CHCHD6: variants seen among roughly 807,000 people sequenced by gnomAD.
The protein encoded by CHCHD6 is MICOS complex subunit MIC25.
A neutral mutation model predicts 32.3 loss-of-function variants in CHCHD6; 28 were observed. The ratio of observed to expected loss-of-function variants is 0.87; its 90% CI spans 0.64 to 1.19. CHCHD6 has a LOEUF of 1.19. Ranked by LOEUF, CHCHD6 falls within the 50% of genes most tolerant of loss-of-function variation. The pLI is 0.00. For synonymous variants in CHCHD6, 122 were observed against 117.5 expected (o/e 1.04, Z -0.25); for missense variants, 333 against 307.0 (o/e 1.08, Z -0.63).
intron 4 of CHCHD6, among the ~76,000 whole-genome samples, chr3:126,775,972 G>T (rs1378274724): frequency 6.6e-6 from 1 of 152,180 alleles, no homozygotes; most frequent in Non-Finnish European, 1.5e-5. Context: ...AGTGGGATTC[G>T]CTGAGTGCCA....
intron 4 of CHCHD6, among the ~76,000 whole-genome samples, chr3:126,831,729 G>A (rs893904900): frequency 2.6e-5 from 4 of 152,300 alleles, no homozygotes; most frequent in African/African-American, 7.2e-5. Context: ...CTAAATTTCC[G>A]TGCGAAAGGG....
In CHCHD6 at chr3:126,729,478, A is replaced by G. The variant is rs187719172; in HGVS notation, c.197-1083A>G. Reference sequence around the variant, plus strand: ...GTTATTTTTGTAGTTAAAAAATGGAAAATTATATAAAAAGCAAAAATACCA... The same window carrying G: ...GTTATTTTTGTAGTTAAAAAATGGAGAATTATATAAAAAGCAAAAATACCA... On this transcript the variant is annotated intron_variant, in intron 2 of 7. Coordinates refer to ENST00000290913, the MANE Select transcript of CHCHD6 (RefSeq NM_032343.3). Among the ~76,000 whole-genome samples, 589 of 152,316 alleles carry G rather than the reference A, an allele frequency of 3.9e-3. 4 individuals carry two copies. Among genetic ancestry groups the G allele is most frequent in the African/African-American group, 0.013 (545 of 41,560 alleles).
intron 4 of CHCHD6, among the ~76,000 whole-genome samples, chr3:126,846,697 A>G (rs931621044): frequency 1.3e-5 from 2 of 152,226 alleles, no homozygotes; most frequent in Admixed American, 6.5e-5. Flanking sequence ...ACCTTTTTCT[A>G]CTAGGTTCTT....
chr3:126,772,309 G>A (rs914320497), intron 4 of CHCHD6, among the ~76,000 whole-genome samples: 1 of 152,088 alleles, frequency 6.6e-6, no homozygotes, highest in African/African-American at 2.4e-5. Flanking sequence ...CACCATGTTA[G>A]CCAGGATGGT....
At position 126,820,786 on chromosome 3, in the gene CHCHD6, A is replaced by G. The variant is rs576873292; in HGVS notation, c.412-31861A>G. Among the ~76,000 whole-genome samples, 289 of 152,282 alleles carry G rather than the reference A, an allele frequency of 1.9e-3. 1 individual carries two copies. The highest frequency in any genetic ancestry group is 6.5e-3 in the African/African-American group (269 of 41,532). ...TATATCAGTTTACTTTCCCTCCAGT[A>G]ATGTACTCCACATTCCTACCACCAT... On this transcript the variant is annotated intron_variant, in intron 4 of 7. Transcript: ENST00000290913.
At chr3:126,815,643 G>GCCC (rs11341202) in intron 4 of CHCHD6, among the ~76,000 whole-genome samples, 8 of 127,706 alleles carry the variant, frequency 6.3e-5, no homozygotes, top group Admixed American at 4.7e-4. Flanking sequence ...GTGGGTTCTT[G>GCCC]CCCCCCCCCC....
chr3:126,863,499 TACTATCACCACCTCCTCCTCC>T (rs1942052705), intron 5 of CHCHD6, among the ~76,000 whole-genome samples: 14 of 27,212 alleles, frequency 5.1e-4, no homozygotes, highest in Non-Finnish European at 7.5e-4. Flanking sequence ...CCTCCTCCTC[TACTATCACCACCTCCTCCTCC>T]ACCATCACCA....
chr3:126,805,650 C>T (rs890065548), intron 4 of CHCHD6, among the ~76,000 whole-genome samples: 3 of 152,092 alleles, frequency 2.0e-5, no homozygotes, highest in Admixed American at 6.5e-5. Context: ...AGATTCAATG[C>T]CCTCCCCATC....
rs186477369 is a variant in CHCHD6 at position 126,893,005 on chromosome 3, G to A, written c.496-21675G>A. ...TGTTTTTGAGACCGAGTCTTGCTCT[G>A]TCTCCCAGGCTGGAGTGCAGTGGCG... On this transcript the variant is annotated intron_variant, in intron 5 of 7. Transcript: ENST00000290913. 2.6e-5 allele frequency among the ~76,000 whole-genome samples: 4 copies of A among 152,004 alleles called. No homozygotes were observed. The East Asian group carries it at 7.7e-4, about 29-fold the overall frequency.
chr3:126,861,395 GT>G (rs1282596124), intron 5 of CHCHD6, among the ~76,000 whole-genome samples: 8 of 152,076 alleles, frequency 5.3e-5, no homozygotes, highest in African/African-American at 1.2e-4. Context: ...TCTATATAAA[GT>G]TTCTACTTCG....
chr3:126,833,953 C>T (rs987084171), intron 4 of CHCHD6, among the ~76,000 whole-genome samples: 4 of 144,620 alleles, frequency 2.8e-5, no homozygotes, highest in Non-Finnish European at 6.0e-5. Context: ...ACTTGGGAGG[C>T]TGAGGCAGGA....
chr3:126,729,678 G>A (rs1935692888), intron 2 of CHCHD6, among the ~76,000 whole-genome samples: 1 of 152,152 alleles, frequency 6.6e-6, no homozygotes, highest in East Asian at 1.9e-4. Context: ...AGTGCGAGTA[G>A]TCACAGCTGA....
intron 1 of CHCHD6, among the ~76,000 whole-genome samples, chr3:126,726,396 C>T (rs1017619979): frequency 2.0e-5 from 3 of 152,180 alleles, no homozygotes; most frequent in South Asian, 2.1e-4. Context: ...TGAAATGTCA[C>T]TGATCACAGA....
At chr3:126,717,139 A>C (rs1291470657) in intron 1 of CHCHD6, among the ~76,000 whole-genome samples, 1 of 152,042 alleles carries the variant, frequency 6.6e-6, no homozygotes, top group Non-Finnish European at 1.5e-5. Context: ...TGGACTGGGC[A>C]AGTTCTTTAA....
chr3:126,950,850 G>C (rs1019374412), intron 6 of CHCHD6, among the ~76,000 whole-genome samples: 2 of 152,194 alleles, frequency 1.3e-5, no homozygotes, highest in Non-Finnish European at 2.9e-5. Flanking sequence ...GGATGGGGCA[G>C]CTGCATAGAG....
intron 4 of CHCHD6, among the ~76,000 whole-genome samples, chr3:126,823,105 C>T (rs372588542): frequency 4.6e-5 from 7 of 151,744 alleles, no homozygotes; most frequent in African/African-American, 7.3e-5. Flanking sequence ...TTGGTAGAGG[C>T]GGTATCTCCC....
chr3:126,831,268 G>A (rs1343654664), intron 4 of CHCHD6, among the ~76,000 whole-genome samples: 1 of 151,932 alleles, frequency 6.6e-6, no homozygotes, highest in South Asian at 2.1e-4. Context: ...CTCTTGATCC[G>A]CCCACCTCGG....
intron 4 of CHCHD6, among the ~76,000 whole-genome samples, chr3:126,774,701 T>A (rs567444608): frequency 5.9e-5 from 9 of 152,180 alleles, no homozygotes; most frequent in Non-Finnish European, 8.8e-5. Context: ...TTGAGGCATC[T>A]TGTTTTGTGA....
At chr3:126,798,594 G>A (rs1938910452) in intron 4 of CHCHD6, among the ~76,000 whole-genome samples, 1 of 85,988 alleles carries the variant, frequency 1.2e-5, no homozygotes, top group East Asian at 3.8e-4. Context: ...GTTACTAGCA[G>A]GGTGCCCCCG....
Sources: allele counts gnomAD v4.1 joint callset (sites outside exome capture counted in the v4.1 genomes callset), GRCh38; gene constraint gnomAD v4.1.1; transcripts MANE v1.5; gene names NCBI Gene and HGNC (gene_info 2026-07-23, HGNC 2026-07-21).